Variants in PLXDC1 observed in about 807,000 individuals in gnomAD.
PLXDC1 encodes the protein plexin domain containing 1.
A neutral mutation model predicts 61.3 loss-of-function variants in PLXDC1; 39 were observed. The ratio of observed to expected loss-of-function variants is 0.64; its 90% confidence interval spans 0.49 to 0.83. PLXDC1 has a LOEUF of 0.83. PLXDC1 is among the 40% of genes least tolerant of loss of function. PLXDC1 has a pLI of 0.00. For synonymous variants in PLXDC1, 212 were observed against 254.5 expected (o/e 0.83, Z 1.59); for missense variants, 596 against 666.5 (o/e 0.89, Z 1.17).
intron 13 of PLXDC1, 86 bp from the exon 14 acceptor site, chr17:39,068,045 A>T: frequency 7.4e-7 from 1 of 1,357,860 alleles, no homozygotes; most frequent in Non-Finnish European, 1.0e-6. Context: ...GCCAACCAAG[A>T]CTGTCTCTTA....
chr17:39,080,978 G>T (rs935571445), intron 9 of PLXDC1: 4 of 152,852 alleles, frequency 2.6e-5, no homozygotes, highest in African/African-American at 9.7e-5. Flanking sequence ...ATGGCTCAGC[G>T]CTTGTGAAAG....
chr17:39,128,079 C>G (rs1446279509), intron 2 of PLXDC1, among the ~76,000 whole-genome samples: 1 of 100,606 alleles, frequency 9.9e-6, no homozygotes, highest in Non-Finnish European at 2.0e-5. Context: ...CTCTCTCTCT[C>G]TCTCTCTCTC....
At chr17:39,128,115 GTATATATATA>G (rs1274872433) in intron 2 of PLXDC1, among the ~76,000 whole-genome samples, 3 of 34,644 alleles carry the variant, frequency 8.7e-5, no homozygotes, top group African/African-American at 2.5e-4. Flanking sequence ...ATATATATAT[GTATATATATA>G]TGTGTATATA....
chr17:39,109,019 G>A (rs1213536934), intron 3 of PLXDC1, 46 bp from the exon 4 acceptor site: 4 of 1,475,172 alleles, frequency 2.7e-6, no homozygotes, highest in South Asian at 2.3e-5. Flanking sequence ...CTGCAGGCCA[G>A]GGGCCTGGGC....
At chr17:39,112,046 C>G (rs1910822289) in intron 2 of PLXDC1, 1 of 152,152 alleles carries the variant, frequency 6.6e-6, no homozygotes, top group Admixed American at 6.5e-5. Context: ...CTATTTCCAC[C>G]CATCTCTGCT....
chr17:39,111,202 C>T (rs1188835660), intron 2 of PLXDC1, among the ~76,000 whole-genome samples: 1 of 152,190 alleles, frequency 6.6e-6, no homozygotes, highest in Non-Finnish European at 1.5e-5. Context: ...TGCCACTGCC[C>T]ACGCTGGTCC....
intron 7 of PLXDC1, among the ~76,000 whole-genome samples, chr17:39,093,034 G>A (rs988571944): frequency 1.3e-5 from 2 of 152,216 alleles, no homozygotes; most frequent in African/African-American, 4.8e-5. Context: ...TTCTAAAAGA[G>A]TCAAAGGGAA....
intron 11 of PLXDC1, chr17:39,072,699 G>C (rs1909171743): frequency 1.7e-6 from 1 of 581,978 alleles, no homozygotes; most frequent in Non-Finnish European, 3.1e-6. Flanking sequence ...TGAGAGATGA[G>C]GCTGGGAGTG....
intron 2 of PLXDC1, among the ~76,000 whole-genome samples, chr17:39,128,749 G>A (rs536617866): frequency 3.2e-4 from 49 of 151,594 alleles, no homozygotes; most frequent in African/African-American, 1.1e-3. Context: ...AGTGGCTCAC[G>A]CCTGTAATCC....
intron 13 of PLXDC1, among the ~76,000 whole-genome samples, chr17:39,068,191 C>A (rs1908971045): frequency 6.6e-6 from 1 of 152,214 alleles, no homozygotes; most frequent in African/African-American, 2.4e-5. Flanking sequence ...AAGGAGGACA[C>A]TTTATCCTTC....
At position 39,063,569 on chromosome 17, in the gene PLXDC1, T is replaced by C. The variant is rs1383007640; in HGVS notation, c.*4271A>G. The C allele has an allele frequency of 5.8e-6, 4 of 693,012 alleles. No individual in the cohort carries two copies. The highest frequency in any genetic ancestry group is 1.0e-5 in the Non-Finnish European group (4 of 381,770). 42.9% of individuals were successfully genotyped at this position (693,012 alleles called of 1,614,324 possible). ...AAGGTATGTGTGGTGATCTTCGGAATGCCACTCCAAATCCTTTGCACTTTC... is the reference window on the plus strand; with the variant it reads ...AAGGTATGTGTGGTGATCTTCGGAACGCCACTCCAAATCCTTTGCACTTTC... On this transcript the variant is annotated 3_prime_UTR_variant, in exon 14 of 14. Transcript: ENST00000315392.
intron 1 of PLXDC1, among the ~76,000 whole-genome samples, chr17:39,140,420 C>T (rs4794805): frequency 0.017 from 2,602 of 152,352 alleles, 189 homozygotes; most frequent in Admixed American, 0.13. Context: ...ATTCTCCTGC[C>T]TCAGCCTCCC....
In PLXDC1 at chr17:39,108,908, A is replaced by G. The variant is rs747459753; in HGVS notation, c.465T>C (p.Thr155=). Residue 155 remains threonine, a synonymous_variant, in exon 4 of 14, where the codon ACT becomes ACC. Transcript: ENST00000315392. ...GHPLRQITIA[T]GGFIFMGDVI... ...GGCCCCACGACGTGGCCTTACCTCCAGTTGCTATGGTGATCTGCCGCAGAG... is the reference window on the plus strand; with the variant it reads ...GGCCCCACGACGTGGCCTTACCTCCGGTTGCTATGGTGATCTGCCGCAGAG... 1.1e-5 allele frequency: 17 copies of G among 1,612,160 alleles called. No individual in the cohort carries two copies. The highest frequency in any genetic ancestry group is 1.4e-5 in the Non-Finnish European group (16 of 1,178,576).
At chr17:39,088,012 T>G (rs1490216558) in intron 7 of PLXDC1, among the ~76,000 whole-genome samples, 1 of 152,200 alleles carries the variant, frequency 6.6e-6, no homozygotes, top group African/African-American at 2.4e-5. Context: ...TGACCCAAGA[T>G]GTTCTTCCAC....
rs141917716 is a variant in PLXDC1, at chr17:39,119,614, C to T, written c.256-10223G>A. Among the ~76,000 whole-genome samples, 362 of 152,020 alleles carry T rather than the reference C, an allele frequency of 2.4e-3. 1 individual carries two copies. Among genetic ancestry groups the T allele is most frequent in the Admixed American group, 7.2e-3 (110 of 15,262 alleles). ...TACCAAAACTGGCCAGGGGTGATGG[C>T]GTGCTCCCATAGTCCGAGCTATTCA... On this transcript the variant is annotated intron_variant, in intron 2 of 13. Transcript: ENST00000315392.
intron 2 of PLXDC1, among the ~76,000 whole-genome samples, chr17:39,126,168 C>T (rs1322007335): frequency 1.3e-5 from 2 of 152,092 alleles, no homozygotes; most frequent in Non-Finnish European, 2.9e-5. Context: ...GCAGGAGAAT[C>T]GCTTGAACCC....
At chr17:39,142,382 A>G (rs1911962350) in intron 1 of PLXDC1, among the ~76,000 whole-genome samples, 1 of 152,264 alleles carries the variant, frequency 6.6e-6, no homozygotes, top group Non-Finnish European at 1.5e-5. Context: ...GTGAAGATCA[A>G]TAAGCAATGT....
intron 1 of PLXDC1, among the ~76,000 whole-genome samples, chr17:39,149,686 C>A (rs1270950074): frequency 6.6e-6 from 1 of 152,206 alleles, no homozygotes; most frequent in Non-Finnish European, 1.5e-5. Context: ...CCCAACCCTA[C>A]TCTGAAGGGG....
chr17:39,074,087 CTCTA>C (rs1909230830), intron 11 of PLXDC1, among the ~76,000 whole-genome samples: 1 of 152,154 alleles, frequency 6.6e-6, no homozygotes, highest in Non-Finnish European at 1.5e-5. Flanking sequence ...ATGGGAAAGA[CTCTA>C]TCCCACACCT....
Sources: allele counts gnomAD v4.1 joint callset (sites outside exome capture counted in the v4.1 genomes callset), GRCh38; gene constraint gnomAD v4.1.1; transcripts MANE v1.5; gene names NCBI Gene and HGNC (gene_info 2026-07-23, HGNC 2026-07-21).